Variants in SKI observed in about 807,000 individuals in gnomAD.
SKI encodes ski oncogene.
Under a neutral mutation model 59.3 loss-of-function variants are expected in SKI, and 23 were observed. The observed-to-expected ratio is 0.39, with a 90% confidence interval of 0.28 to 0.55. SKI has a LOEUF of 0.55. SKI is among the 20% of genes least tolerant of loss of function. SKI has a pLI of 0.67. For missense variants in SKI, 1,017 were observed against 1,038.9 expected (o/e 0.98, Z 0.29); for synonymous variants, 673 against 488.6 (o/e 1.38, Z -4.98).
At chr1:2,254,447 C>T (rs16824947) in intron 1 of SKI, among the ~76,000 whole-genome samples, 1,856 of 152,316 alleles carry the variant, frequency 0.012, 63 homozygotes, top group East Asian at 0.076. Context: ...CTAGGATTAC[C>T]GTCCCTTCCC....
chr1:2,296,643 G>A (rs1238155269), intron 1 of SKI, among the ~76,000 whole-genome samples: 3 of 151,982 alleles, frequency 2.0e-5, no homozygotes, highest in African/African-American at 2.4e-5. Flanking sequence ...ACCAGCTACC[G>A]GGTTTGCACG....
At chr1:2,272,494 C>T (rs1280724298) in intron 1 of SKI, among the ~76,000 whole-genome samples, 6 of 152,110 alleles carry the variant, frequency 3.9e-5, no homozygotes, top group African/African-American at 1.4e-4. Context: ...AGTGGCCGTC[C>T]CTGTGGTCTG....
chr1:2,261,915 G>GGGTGGGAGT (rs1269903335), intron 1 of SKI, among the ~76,000 whole-genome samples: 2 of 146,608 alleles, frequency 1.4e-5, no homozygotes, highest in African/African-American at 5.1e-5. Context: ...ATCAGAGTTT[G>GGGTGGGAGT]GGTGGGAGTG....
chr1:2,307,437 AG>A lies in SKI; in HGVS notation c.*673del, dbSNP rs2100928574. 1 of 152,528 alleles carries A rather than the reference AG, an allele frequency of 6.6e-6. No homozygotes were observed. Among genetic ancestry groups the A allele is most frequent in the South Asian group, 2.1e-4 (1 of 4,828 alleles). 9.4% of individuals were successfully genotyped at this position (152,528 alleles called of 1,614,324 possible). On this transcript the variant is annotated 3_prime_UTR_variant, in exon 7 of 7. Coordinates refer to ENST00000378536, the MANE Select transcript of SKI (RefSeq NM_003036.4). The stretch of plus-strand genomic sequence containing the variant: ...TCCCCACGGGTACCAGGAAGTGCAG[AG>A]CCGCACAGGAGCTGCCCCGGAGCTG...
In SKI at chr1:2,241,806, T is replaced by C. The variant is rs529608533; in HGVS notation, c.969+12071T>C. 3.9e-5 allele frequency among the ~76,000 whole-genome samples: 6 copies of C among 152,346 alleles called. No homozygotes were observed. In the East Asian group the frequency reaches 7.7e-4, roughly 20 times the overall value. On this transcript the variant is annotated intron_variant, in intron 1 of 6. Transcript: ENST00000378536. ...ATAAAAAACGCTCACCATGACCCAT[T>C]ACCTTGCCTAACAAAGCTGAGGGCA...
chr1:2,239,503 G>T (rs1182913141), intron 1 of SKI, among the ~76,000 whole-genome samples: 1 of 152,220 alleles, frequency 6.6e-6, no homozygotes, highest in Non-Finnish European at 1.5e-5. Flanking sequence ...ATCCCATGTG[G>T]GTGTAGCCGT....
Position 2,306,502 on chromosome 1 carries a change from C to T in SKI, c.1999-75C>T, listed in dbSNP as rs955732689. 59 of 1,448,608 alleles carry T rather than the reference C, an allele frequency of 4.1e-5. No individual in the cohort carries two copies. In the East Asian group the frequency reaches 1.0e-3, roughly 25 times the overall value. The allele number at this position is 1,448,608 out of a possible 1,614,324, so 89.7% of individuals were successfully genotyped here. A position where few individuals can be genotyped will look rare whatever the true frequency, so the allele number is the denominator to read the frequency against. On this transcript the variant is annotated intron_variant, in intron 6 of 6. Transcript: ENST00000378536. ...GAGGGACAGGGAGCGGCGCAGGAGCCTCGGGTGGGGGAAGCAGCGTCGGGC... is the reference window on the plus strand; with the variant it reads ...GAGGGACAGGGAGCGGCGCAGGAGCTTCGGGTGGGGGAAGCAGCGTCGGGC...
Position 2,306,738 on chromosome 1 carries a change from CGAG to C in SKI, c.2162_2164del (p.Glu721del). 3 of 1,528,896 alleles carry C rather than the reference CGAG, an allele frequency of 2.0e-6. No homozygotes were observed. In the African/African-American group the frequency reaches 4.2e-5, roughly 22 times the overall value. 94.7% of individuals were successfully genotyped at this position (1,528,896 alleles called of 1,614,324 possible). On this transcript the variant is annotated inframe_deletion, in exon 7 of 7. Coordinates refer to ENST00000378536, the MANE Select transcript of SKI (RefSeq NM_003036.4). ...GGGCCCGCCCCGAGGCTGCGGGCAG[CGAG>C]GGCGCTGCGGAGCTGGAGCCGTAGA...
chr1:2,291,275 G>A (rs563757276), intron 1 of SKI, among the ~76,000 whole-genome samples: 168 of 152,320 alleles, frequency 1.1e-3, no homozygotes, highest in African/African-American at 3.7e-3. Flanking sequence ...GCTAATTTTC[G>A]GATTCCGAAA....
At chr1:2,232,031 G>A (rs953292994) in intron 1 of SKI, among the ~76,000 whole-genome samples, 1 of 152,146 alleles carries the variant, frequency 6.6e-6, no homozygotes, top group African/African-American at 2.4e-5. Context: ...TCTCAGGGTG[G>A]GCGTGGACCC....
At position 2,229,009 on chromosome 1, in the gene SKI, G is replaced by A; in HGVS notation, c.243G>A (p.Pro81=). The part of the protein sequence containing the change: ...PPVLHLPAIQ[P]PPPVLPGPFF... ...TGCTGCACCTGCCCGCCATCCAGCC[G>A]CCGCCGCCCGTGCTGCCCGGGCCCT... Residue 81 remains proline, a synonymous_variant, in exon 1 of 7, where the codon CCG becomes CCA. Transcript: ENST00000378536. This position sits in a 1 kb window ranked among gnomAD's most constrained non-coding sequence, Gnocchi z 6.3. 1.3e-6 allele frequency: 2 copies of A among 1,579,162 alleles called. No homozygotes were observed. The highest frequency in any genetic ancestry group is 2.3e-5 in the East Asian group (1 of 43,122).
At chr1:2,237,567 C>T (rs1323809414) in intron 1 of SKI, among the ~76,000 whole-genome samples, 3 of 152,206 alleles carry the variant, frequency 2.0e-5, no homozygotes, top group Non-Finnish European at 4.4e-5. Flanking sequence ...TGCTGGGAAC[C>T]CCTGGTCCAG....
chr1:2,272,240 A>G (rs1028610882), intron 1 of SKI, among the ~76,000 whole-genome samples: 4 of 152,252 alleles, frequency 2.6e-5, no homozygotes, highest in African/African-American at 9.6e-5. Context: ...ACCCACTGAA[A>G]GGTCTGAGCC....
At chr1:2,271,816 C>T (rs1639628729) in intron 1 of SKI, among the ~76,000 whole-genome samples, 1 of 152,186 alleles carries the variant, frequency 6.6e-6, no homozygotes, top group African/African-American at 2.4e-5. Flanking sequence ...GCCGAGGGGC[C>T]AGGAGATTCT....
intron 1 of SKI, among the ~76,000 whole-genome samples, chr1:2,230,689 G>C (rs999214382): frequency 1.3e-5 from 2 of 152,168 alleles, no homozygotes; most frequent in Non-Finnish European, 2.9e-5. Flanking sequence ...GGAACTTTCC[G>C]TTGCGTACCT....
intron 1 of SKI, chr1:2,240,702 C>CA: frequency 2.0e-6 from 2 of 985,450 alleles, no homozygotes; most frequent in Non-Finnish European, 2.4e-6. Flanking sequence ...GGATGGAGGA[C>CA]AGTTCTAGAT....
intron 1 of SKI, chr1:2,232,568 G>C (rs1449541706): frequency 6.6e-6 from 1 of 152,260 alleles, no homozygotes; most frequent in Non-Finnish European, 1.5e-5. Flanking sequence ...CTCATGTCAC[G>C]GGGTTACAGA....
intron 1 of SKI, among the ~76,000 whole-genome samples, chr1:2,284,464 G>T (rs548720238): frequency 6.6e-6 from 1 of 152,196 alleles, no homozygotes; most frequent in South Asian, 2.1e-4. Context: ...CGGCAGCTCC[G>T]TGTGAAGTAG....
rs1162790631 is a variant in SKI, at chr1:2,267,277, G to T, written c.970-35701G>T. Among the ~76,000 whole-genome samples, 2 of 152,198 alleles carry T rather than the reference G, an allele frequency of 1.3e-5. No individual in the cohort carries two copies. The highest frequency in any genetic ancestry group is 2.9e-5 in the Non-Finnish European group (2 of 68,040). The stretch of plus-strand genomic sequence containing the variant: ...AGTTGTGGGCCAGCCGTCAGGAAAG[G>T]GGGGACTAGCACGTACCACTCAGAA... On this transcript the variant is annotated intron_variant, in intron 1 of 6. Coordinates refer to ENST00000378536, the MANE Select transcript of SKI (RefSeq NM_003036.4). This position sits in a 1 kb window ranked among gnomAD's most constrained non-coding sequence, Gnocchi z 4.1.
Sources: allele counts gnomAD v4.1 joint callset (sites outside exome capture counted in the v4.1 genomes callset), GRCh38; gene constraint gnomAD v4.1.1; non-coding constraint Gnocchi (gnomAD v3.1); transcripts MANE v1.5; gene names NCBI Gene and HGNC (gene_info 2026-07-23, HGNC 2026-07-21).